The following RGS8 variants were observed in gnomAD, a reference collection of about 807,000 sequenced individuals.
RGS8 encodes regulator of G-protein signaling 8.
In RGS8, 8 loss-of-function variants were observed where a neutral mutation model predicts 21.7. The ratio of observed to expected loss-of-function variants is 0.37; its 90% CI spans 0.22 to 0.66. RGS8 has a LOEUF of 0.66. RGS8 is among the 30% of genes least tolerant of loss of function. The probability of loss-of-function intolerance (pLI) is 0.59; values close to 1 mark genes in which losing one functional copy is unlikely to be tolerated. For missense variants in RGS8, 157 were observed against 217.9 expected, an observed-to-expected ratio of 0.72 and a Z score of 1.76; for synonymous variants, 80 against 83.6, an observed-to-expected ratio of 0.96 and a Z score of 0.24.
At chr1:182,750,287 C>G in the RGS8 span, among the ~76,000 whole-genome samples, 1 of 152,154 alleles carries the variant, frequency 6.6e-6, no homozygotes, top group African/African-American at 2.4e-5. Context: ...GGTGAGGGTT[C>G]CCATGTCCAC....
chr1:182,716,125 G>GTTTTTTTT, the RGS8 span, among the ~76,000 whole-genome samples: 1 of 147,550 alleles, frequency 6.8e-6, no homozygotes, highest in African/African-American at 2.5e-5. Flanking sequence ...ACTGTTTTTT[G>GTTTTTTTT]GTTTTTTTTT....
At chr1:182,688,326 A>T (rs1664749541), upstream of RGS8, among the ~76,000 whole-genome samples, 1 of 152,130 alleles carries the variant, frequency 6.6e-6, no homozygotes, top group African/African-American at 2.4e-5. Context: ...TACTTAGTAG[A>T]TAGTACACAC....
At chr1:182,709,561 A>G in the RGS8 span, among the ~76,000 whole-genome samples, 1 of 152,198 alleles carries the variant, frequency 6.6e-6, no homozygotes, top group South Asian at 2.1e-4. Flanking sequence ...GTGACCCCAT[A>G]AAGCCAAAGA....
intron 5 of RGS8, among the ~76,000 whole-genome samples, chr1:182,665,135 C>T (rs1663790351): frequency 6.6e-6 from 1 of 152,208 alleles, no homozygotes; most frequent in Non-Finnish European, 1.5e-5. Context: ...AATATCACTG[C>T]GACATATTTA....
intron 1 of RGS8, among the ~76,000 whole-genome samples, chr1:182,679,787 T>G (rs537901245): frequency 2.6e-5 from 4 of 151,942 alleles, no homozygotes; most frequent in Non-Finnish European, 4.4e-5. Flanking sequence ...TCTTGGCCCA[T>G]TTTATCCGCC....
At chr1:182,689,306 C>CA (rs1664774854), upstream of RGS8, among the ~76,000 whole-genome samples, 2 of 147,876 alleles carry the variant, frequency 1.4e-5, no homozygotes, top group Admixed American at 6.7e-5. Context: ...CACACACACA[C>CA]CCCACAAGTG....
chr1:182,674,228 G>A (rs1471762791), upstream of RGS8, among the ~76,000 whole-genome samples: 1 of 152,188 alleles, frequency 6.6e-6, no homozygotes, highest in East Asian at 1.9e-4. Flanking sequence ...AAGAGAGCAG[G>A]GCTGCAAATG....
At chr1:182,681,349 C>T (rs1427505943) in intron 1 of RGS8, among the ~76,000 whole-genome samples, 1 of 152,194 alleles carries the variant, frequency 6.6e-6, no homozygotes, top group East Asian at 1.9e-4. Context: ...GTAACAAAAG[C>T]TTTACCATTT....
At chr1:182,702,530 T>C in the RGS8 span, among the ~76,000 whole-genome samples, 1 of 152,176 alleles carries the variant, frequency 6.6e-6, no homozygotes, top group Non-Finnish European at 1.5e-5. Context: ...GAATCTAAAA[T>C]AAAACTTGAA....
chr1:182,742,229 G>A, the RGS8 span, among the ~76,000 whole-genome samples: 1 of 150,910 alleles, frequency 6.6e-6, no homozygotes, highest in Admixed American at 6.6e-5. Context: ...ATGGCGGCCG[G>A]GCAGAGATGC....
chr1:182,708,958 A>G, the RGS8 span, among the ~76,000 whole-genome samples: 6 of 152,230 alleles, frequency 3.9e-5, no homozygotes, highest in Non-Finnish European at 7.3e-5. Context: ...GCGGCCTGCC[A>G]AGATGGTGAA....
the RGS8 span, among the ~76,000 whole-genome samples, chr1:182,696,659 C>G: frequency 6.6e-6 from 1 of 152,244 alleles, no homozygotes; most frequent in South Asian, 2.1e-4. Context: ...CTCTGTTTAA[C>G]TTTAAACCTT....
intron 5 of RGS8, among the ~76,000 whole-genome samples, chr1:182,655,803 C>T (rs1663246143): frequency 1.1e-5 from 1 of 94,810 alleles, no homozygotes; most frequent in South Asian, 4.0e-4. Context: ...TTCACAGCTC[C>T]ACAATTCCAT....
the RGS8 span, among the ~76,000 whole-genome samples, chr1:182,724,376 A>T: frequency 3.9e-4 from 59 of 151,412 alleles, no homozygotes; most frequent in African/African-American, 1.4e-3. Context: ...GCCTTATTTG[A>T]ACATGGGTGG....
chr1:182,661,118 G>C (rs1663563935), intron 5 of RGS8, among the ~76,000 whole-genome samples: 1 of 151,370 alleles, frequency 6.6e-6, no homozygotes, highest in African/African-American at 2.4e-5. Context: ...CTTGGTTGCT[G>C]TGTGACCAGC....
At chr1:182,677,435 C>T (rs1571353414), upstream of RGS8, among the ~76,000 whole-genome samples, 1 of 152,124 alleles carries the variant, frequency 6.6e-6, no homozygotes, top group East Asian at 1.9e-4. Flanking sequence ...CCTACTACTT[C>T]CTCATTTTAC....
the RGS8 span, among the ~76,000 whole-genome samples, chr1:182,692,474 T>G: frequency 6.6e-6 from 1 of 151,840 alleles, no homozygotes; most frequent in African/African-American, 2.4e-5. Flanking sequence ...AAATCATAGA[T>G]GATACAAACA....
intron 5 of RGS8, among the ~76,000 whole-genome samples, chr1:182,662,057 G>A (rs754739969): frequency 1.3e-5 from 2 of 152,182 alleles, no homozygotes; most frequent in South Asian, 2.1e-4. Flanking sequence ...ACCTCCATGG[G>A]TGCTTCTTCC....
the RGS8 span, among the ~76,000 whole-genome samples, chr1:182,717,833 T>C: frequency 6.6e-6 from 1 of 152,234 alleles, no homozygotes; most frequent in Admixed American, 6.5e-5. Flanking sequence ...CTTACAGTAG[T>C]TACTAATTAA....
Sources: allele counts gnomAD v4.1 joint callset (sites outside exome capture counted in the v4.1 genomes callset), GRCh38; gene constraint gnomAD v4.1.1; transcripts MANE v1.5; gene names NCBI Gene and HGNC (gene_info 2026-07-23, HGNC 2026-07-21).